The following RANBP17 variants were observed in gnomAD, a reference collection of about 807,000 sequenced individuals.
The protein encoded by RANBP17 is RAN binding protein 17, also known as ran-binding protein 17.
In RANBP17, 158 loss-of-function variants were observed where a neutral mutation model predicts 141.2. That is an observed-to-expected ratio of 1.12 (90% CI 0.98 to 1.28). RANBP17 has a LOEUF of 1.28. Ranked by LOEUF, RANBP17 falls within the 50% of genes most tolerant of loss-of-function variation. The pLI is 0.00. For missense variants in RANBP17, 1,438 were observed against 1,290.7 expected (o/e 1.11, Z -1.75); for synonymous variants, 430 against 450.0 (o/e 0.96, Z 0.56).
chr5:170,889,696 A>G (rs1769442114), intron 3 of RANBP17, among the ~76,000 whole-genome samples: 1 of 152,164 alleles, frequency 6.6e-6, no homozygotes, highest in Non-Finnish European at 1.5e-5. Context: ...TGACACGCAA[A>G]GGACCTCTAG....
At chr5:171,182,174 A>G (rs965428771) in intron 16 of RANBP17, among the ~76,000 whole-genome samples, 1 of 152,230 alleles carries the variant, frequency 6.6e-6, no homozygotes, top group African/African-American at 2.4e-5. Flanking sequence ...TGTAACATCA[A>G]TGGAGCCATA....
rs1336040003 is a variant in RANBP17 at position 171,298,820 on chromosome 5, G to A, written c.3229G>A (p.Gly1077Ser). 6.2e-7 allele frequency: 1 copy of A among 1,614,064 alleles called. No individual in the cohort carries two copies. Among genetic ancestry groups the A allele is most frequent in the African/African-American group, 1.3e-5 (1 of 74,942 alleles). The change falls in exon 28 of 28, where the codon GGC (glycine) becomes AGC (serine). Residue 1077 changes from glycine to serine, a missense_variant. Coordinates refer to ENST00000523189, the MANE Select transcript of RANBP17 (RefSeq NM_022897.5). ...RDVAEALRSD[G>S]NTEPCSLDMM... ...TGTGGCAGAGGCGTTGCGCAGTGAT[G>A]GCAACACTGAACCATGCAGTCTCGA...
chr5:171,021,188 C>T (rs931427723), intron 14 of RANBP17, among the ~76,000 whole-genome samples: 6 of 152,202 alleles, frequency 3.9e-5, no homozygotes, highest in Admixed American at 3.3e-4. Flanking sequence ...ACCTTTCTCT[C>T]TGGCTGCCCT....
intron 14 of RANBP17, among the ~76,000 whole-genome samples, chr5:171,087,153 G>C (rs1169062555): frequency 6.8e-6 from 1 of 147,912 alleles, no homozygotes; most frequent in Non-Finnish European, 1.5e-5. Context: ...CAGAGATTCT[G>C]GTATGTTGTG....
At chr5:171,233,576 G>T (rs889861449) in intron 22 of RANBP17, among the ~76,000 whole-genome samples, 1 of 152,094 alleles carries the variant, frequency 6.6e-6, no homozygotes, top group African/African-American at 2.4e-5. Context: ...AATAAATAAA[G>T]CTAGAAAACT....
chr5:170,877,348 C>A (rs1768270733), intron 1 of RANBP17, among the ~76,000 whole-genome samples: 1 of 152,042 alleles, frequency 6.6e-6, no homozygotes. Context: ...TCACTGCAGT[C>A]TCAAGCTCCA....
chr5:170,959,250 C>G (rs533413650), intron 13 of RANBP17, among the ~76,000 whole-genome samples: 2 of 152,282 alleles, frequency 1.3e-5, no homozygotes, highest in Admixed American at 1.3e-4. Context: ...CCAAACCCTG[C>G]TATTATATAA....
intron 14 of RANBP17, among the ~76,000 whole-genome samples, chr5:171,004,489 TG>T (rs1779441426): frequency 6.6e-6 from 1 of 152,040 alleles, no homozygotes; most frequent in Non-Finnish European, 1.5e-5. Context: ...ACAACAGTTA[TG>T]GGGGCAAGGG....
At chr5:171,218,143 A>G (rs1561774070) in intron 21 of RANBP17, among the ~76,000 whole-genome samples, 1 of 151,932 alleles carries the variant, frequency 6.6e-6, no homozygotes, top group Admixed American at 6.6e-5. Context: ...TAATTTTGTT[A>G]TTTACCCAGT....
intron 24 of RANBP17, among the ~76,000 whole-genome samples, chr5:171,263,533 CACTT>C (rs1241672181): frequency 1.3e-5 from 2 of 152,208 alleles, no homozygotes; most frequent in Non-Finnish European, 2.9e-5. Flanking sequence ...GTTGCTCTAT[CACTT>C]ACTTGTCAGT....
At chr5:170,910,156 T>A (rs1771417522) in intron 6 of RANBP17, 1 of 158,828 alleles carries the variant, frequency 6.3e-6, no homozygotes, top group Non-Finnish European at 1.4e-5. Flanking sequence ...TTATTCATAG[T>A]TTAGCCAAGA....
chr5:170,936,282 C>T lies in RANBP17; in HGVS notation c.1468+11732C>T, dbSNP rs555493398. 3.9e-5 allele frequency among the ~76,000 whole-genome samples: 6 copies of T among 152,122 alleles called. No homozygotes were observed. In the South Asian group the frequency reaches 8.3e-4, roughly 21 times the overall value. ...CCCCGCCGTGCTAGGTGGGCTGCAC[C>T]GACTTGTTTGGCAAGCCCTAGTGAG... On this transcript the variant is annotated intron_variant, in intron 12 of 27. Transcript: ENST00000523189.
At chr5:171,172,931 A>C (rs1006653501) in intron 16 of RANBP17, among the ~76,000 whole-genome samples, 2 of 151,936 alleles carry the variant, frequency 1.3e-5, no homozygotes, top group Non-Finnish European at 2.9e-5. Context: ...GAATTAAAAA[A>C]TCATATTTTC....
intron 12 of RANBP17, among the ~76,000 whole-genome samples, chr5:170,932,761 A>G (rs957662041): frequency 9.9e-5 from 15 of 152,114 alleles, no homozygotes; most frequent in African/African-American, 3.4e-4. Flanking sequence ...GATGAAGCCA[A>G]CTTGATCGTG....
At chr5:171,165,429 C>T (rs1451327553) in intron 14 of RANBP17, among the ~76,000 whole-genome samples, 8 of 152,270 alleles carry the variant, frequency 5.3e-5, no homozygotes, top group South Asian at 2.1e-4. Context: ...CCTCCCACCT[C>T]GGCCTCCCAA....
intron 14 of RANBP17, among the ~76,000 whole-genome samples, chr5:171,078,368 C>A (rs1450722828): frequency 6.6e-6 from 1 of 152,090 alleles, no homozygotes; most frequent in Admixed American, 6.6e-5. Flanking sequence ...GTTGGCAAGG[C>A]TGGTCTCAAA....
chr5:171,223,469 A>T (rs1206583347), intron 22 of RANBP17, among the ~76,000 whole-genome samples: 2 of 152,132 alleles, frequency 1.3e-5, no homozygotes, highest in Non-Finnish European at 2.9e-5. Context: ...CCCCGTCTCT[A>T]CCAAAAATAC....
intron 14 of RANBP17, among the ~76,000 whole-genome samples, chr5:171,157,061 G>A (rs1004257749): frequency 1.2e-4 from 19 of 152,140 alleles, no homozygotes; most frequent in Non-Finnish European, 5.9e-5. Flanking sequence ...TATTTTAAAG[G>A]AGGTTTTTAA....
chr5:171,088,218 T>TTC (rs1302442789), intron 14 of RANBP17, among the ~76,000 whole-genome samples: 1 of 151,832 alleles, frequency 6.6e-6, no homozygotes, highest in Non-Finnish European at 1.5e-5. Flanking sequence ...TCTCCTTCAC[T>TTC]TATGAAGCTT....
Sources: allele counts gnomAD v4.1 joint callset (sites outside exome capture counted in the v4.1 genomes callset), GRCh38; gene constraint gnomAD v4.1.1; transcripts MANE v1.5; gene names NCBI Gene and HGNC (gene_info 2026-07-23, HGNC 2026-07-21).